Variants in PARD3 observed in about 807,000 individuals in gnomAD.
PARD3 encodes partitioning defective 3 homolog.
A neutral mutation model predicts 155.4 loss-of-function variants in PARD3; 75 were observed. The observed-to-expected ratio is 0.48, with a 90% CI of 0.40 to 0.58. The LOEUF (loss-of-function observed/expected upper bound fraction) is 0.58. Among genes scored for constraint, PARD3 ranks in the 20% least tolerant of loss-of-function variants. PARD3 has a pLI of 0.00. For missense variants in PARD3, 1,642 were observed against 1,721.7 expected (o/e 0.95, Z 0.82); for synonymous variants, 576 against 610.5 (o/e 0.94, Z 0.83).
intron 3 of PARD3, among the ~76,000 whole-genome samples, chr10:34,479,184 CAG>C (rs1260348266): frequency 5.2e-5 from 7 of 133,926 alleles, no homozygotes; most frequent in Non-Finnish European, 9.2e-5. Flanking sequence ...TTTTTTGAGA[CAG>C]AGTCTCGCCC....
chr10:34,463,010 G>A (rs1456166758), intron 4 of PARD3, among the ~76,000 whole-genome samples: 1 of 83,412 alleles, frequency 1.2e-5, no homozygotes, highest in African/African-American at 4.8e-5. Context: ...ATGGGGAGGG[G>A]AAGGGTAGGA....
rs1030303909 is a variant in PARD3 at position 34,811,031 on chromosome 10, G to C, written c.120+3845C>G. Among the ~76,000 whole-genome samples, 5 of 152,196 alleles carry C rather than the reference G, an allele frequency of 3.3e-5. No homozygotes were observed. In the East Asian group the frequency reaches 9.7e-4, roughly 29 times the overall value. ...TGAGAGGAGAGCTATGAGGGAGGTG[G>C]GAACAGTGAGCAAAGGGGCTCCAGC... On this transcript the variant is annotated intron_variant, in intron 1 of 24. Coordinates refer to ENST00000374788, the MANE Select transcript of PARD3 (RefSeq NM_001184785.2).
At chr10:34,167,341 G>A (rs1379002305) in intron 22 of PARD3, among the ~76,000 whole-genome samples, 1 of 152,158 alleles carries the variant, frequency 6.6e-6, no homozygotes, top group Non-Finnish European at 1.5e-5. Flanking sequence ...TTTGGTGTGT[G>A]ATGGGTTACT....
chr10:34,499,342 G>C (rs1429181652), intron 3 of PARD3, among the ~76,000 whole-genome samples: 4 of 152,116 alleles, frequency 2.6e-5, no homozygotes, highest in African/African-American at 9.7e-5. Context: ...CAGTAGCTAT[G>C]TTTTCTAATC....
intron 1 of PARD3, among the ~76,000 whole-genome samples, chr10:34,754,868 C>T (rs553988958): frequency 6.6e-6 from 1 of 152,328 alleles, no homozygotes; most frequent in East Asian, 1.9e-4. Flanking sequence ...AGAGACACTT[C>T]AGCTAAAGCC....
At chr10:34,539,537 G>A (rs1278364474) in intron 2 of PARD3, among the ~76,000 whole-genome samples, 1 of 152,144 alleles carries the variant, frequency 6.6e-6, no homozygotes. Flanking sequence ...GCGGGCACCT[G>A]TAATCCCAGC....
At chr10:34,560,124 A>G (rs540432576) in intron 2 of PARD3, among the ~76,000 whole-genome samples, 12 of 152,356 alleles carry the variant, frequency 7.9e-5, no homozygotes, top group Non-Finnish European at 1.3e-4. Flanking sequence ...CCGAGGAAAT[A>G]GAAATTATTT....
At chr10:34,794,295 C>T (rs1842005984) in intron 1 of PARD3, among the ~76,000 whole-genome samples, 1 of 152,204 alleles carries the variant, frequency 6.6e-6, no homozygotes, top group Non-Finnish European at 1.5e-5. Flanking sequence ...ACAGACATCC[C>T]TGCAATGCCA....
intron 2 of PARD3, among the ~76,000 whole-genome samples, chr10:34,569,658 C>A (rs1412866323): frequency 2.6e-5 from 4 of 152,070 alleles, no homozygotes; most frequent in Non-Finnish European, 5.9e-5. Flanking sequence ...ATCTCGTGAT[C>A]CGCCCGCCTC....
At chr10:34,325,551 C>A (rs570490181) in intron 19 of PARD3, among the ~76,000 whole-genome samples, 2 of 152,190 alleles carry the variant, frequency 1.3e-5, no homozygotes, top group African/African-American at 4.8e-5. Context: ...CAGTGTCACA[C>A]TAACTTACAC....
intron 5 of PARD3, among the ~76,000 whole-genome samples, chr10:34,420,895 G>T (rs1273290341): frequency 6.6e-6 from 1 of 152,138 alleles, no homozygotes; most frequent in Non-Finnish European, 1.5e-5. Flanking sequence ...TGCAAAACAG[G>T]CCAGGAGTAG....
rs71917947 is a variant in PARD3 at position 34,432,337 on chromosome 10, TACACACACACACACACAC to T, written c.714+17962_714+17979del. 4.2e-3 allele frequency among the ~76,000 whole-genome samples: 602 copies of T among 143,558 alleles called. 5 individuals are homozygous for T. The highest frequency in any genetic ancestry group is 5.7e-3 in the Non-Finnish European group (375 of 66,336). 94.2% of individuals were successfully genotyped at this position (143,558 alleles called of 152,430 possible). On this transcript the variant is annotated intron_variant, in intron 5 of 24. Coordinates refer to ENST00000374788, the MANE Select transcript of PARD3 (RefSeq NM_001184785.2). ...AAATAGAAAGATATACACGTGCACA[TACACACACACACACACAC>T]ACACACACACACACACACACAGAGG...
chr10:34,717,929 G>A (rs2094544700), intron 1 of PARD3, among the ~76,000 whole-genome samples: 1 of 152,116 alleles, frequency 6.6e-6, no homozygotes, highest in Non-Finnish European at 1.5e-5. Context: ...CGAGATGGGT[G>A]GACTGTCTGA....
intron 22 of PARD3, among the ~76,000 whole-genome samples, chr10:34,147,862 C>G (rs938031689): frequency 2.0e-5 from 3 of 152,104 alleles, no homozygotes; most frequent in Non-Finnish European, 4.4e-5. Flanking sequence ...TTCAAAACCA[C>G]CTGGTGCCTC....
In PARD3 at chr10:34,243,817, T is replaced by C. The variant is rs79020913; in HGVS notation, c.3419+25840A>G. 5.8e-3 allele frequency among the ~76,000 whole-genome samples: 888 copies of C among 152,220 alleles called. 7 individuals are homozygous for C. Among genetic ancestry groups the C allele is most frequent in the Admixed American group, 0.011 (167 of 15,290 alleles). On this transcript the variant is annotated intron_variant, in intron 22 of 24. Transcript: ENST00000374788. ...AGGGCGAGACTCCATCTCAAATATA[T>C]ATATATATGTATATAGTCATCAAAT...
At chr10:34,797,141 G>A (rs1842353193) in intron 1 of PARD3, among the ~76,000 whole-genome samples, 1 of 152,132 alleles carries the variant, frequency 6.6e-6, no homozygotes, top group Non-Finnish European at 1.5e-5. Context: ...TTGTTCAGTG[G>A]GACTGTTCCA....
intron 2 of PARD3, among the ~76,000 whole-genome samples, chr10:34,668,038 G>A (rs568857797): frequency 5.9e-5 from 9 of 152,226 alleles, no homozygotes; most frequent in African/African-American, 1.7e-4. Flanking sequence ...GGATGGATAC[G>A]GATTGTCCTC....
rs766790123 is a variant in PARD3 at position 34,360,031 on chromosome 10, T to G, written c.1896+40A>C. 3 of 1,499,466 alleles carry G rather than the reference T, an allele frequency of 2.0e-6. No individual in the cohort carries two copies. In the South Asian group the frequency reaches 3.5e-5, roughly 17 times the overall value. The allele number at this position is 1,499,466 out of a possible 1,614,324, so 92.9% of individuals were successfully genotyped here. On this transcript the variant is annotated intron_variant, in intron 13 of 24. Coordinates refer to ENST00000374788, the MANE Select transcript of PARD3 (RefSeq NM_001184785.2). ...ATAGGAACAGGGTTGAAATTAAAAT[T>G]TTTGTTAATAGGCATACGCATGATA...
rs551412111 is a variant in PARD3 at position 34,605,866 on chromosome 10, A to C, written c.223-88707T>G. On this transcript the variant is annotated intron_variant, in intron 2 of 24. Transcript: ENST00000374788. The stretch of plus-strand genomic sequence containing the variant: ...ATATATATATATCTCCTATATATAT[A>C]TCTCCTATATATATATCTCCTATAT... Among the ~76,000 whole-genome samples the C allele has an allele frequency of 7.0e-4, 37 of 52,796 alleles. 1 individual carries two copies. The highest frequency in any genetic ancestry group is 9.1e-4 in the Admixed American group (4 of 4,414). The allele number at this position is 52,796 out of a possible 152,430, so 34.6% of individuals were successfully genotyped here.
Sources: gnomAD v4.1 joint callset for allele counts (sites outside exome capture counted in the v4.1 genomes callset) on GRCh38, gnomAD v4.1.1 for gene constraint, MANE v1.5 for transcripts, NCBI Gene and HGNC (gene_info 2026-07-23, HGNC 2026-07-21) for gene names.